The following UTP20 variants were observed in gnomAD, a reference collection of about 807,000 sequenced individuals.
UTP20 encodes the protein UTP20 small subunit processome component.
In UTP20, 164 loss-of-function variants were observed where a neutral mutation model predicts 329.5. The ratio of observed to expected loss-of-function variants is 0.50; its 90% CI spans 0.44 to 0.57. The LOEUF is 0.57. Ranked by LOEUF, UTP20 falls within the 20% of genes least tolerant of loss-of-function variation. The pLI is 0.00. For synonymous variants in UTP20, 1,151 were observed against 1,159.3 expected (o/e 0.99, Z 0.14); for missense variants, 3,055 against 3,284.2 (o/e 0.93, Z 1.71).
At chr12:101,345,853 C>A (rs1869305701) in intron 37 of UTP20, among the ~76,000 whole-genome samples, 159 bp downstream of exon 37, 1 of 152,198 alleles carries the variant, frequency 6.6e-6, no homozygotes, top group Non-Finnish European at 1.5e-5. Flanking sequence ...TTAAGATGAT[C>A]ATTTCCTGGA....
chr12:101,329,171 A>G, intron 26 of UTP20, 70 bp from the exon 27 acceptor site: 1 of 1,337,706 alleles, frequency 7.5e-7, no homozygotes, highest in Non-Finnish European at 1.0e-6. Flanking sequence ...TGGAAATAAA[A>G]CTACAATTAT....
chr12:101,379,219 C>T, intron 56 of UTP20, 152 bp from the exon 57 acceptor site: 1 of 597,738 alleles, frequency 1.7e-6, no homozygotes, highest in Non-Finnish European at 2.8e-6. Context: ...TCTTTTCATC[C>T]CCTGCCCCCA....
intron 48 of UTP20, among the ~76,000 whole-genome samples, chr12:101,369,317 A>G (rs777076490): frequency 6.6e-6 from 1 of 152,180 alleles, no homozygotes; most frequent in African/African-American, 2.4e-5. Flanking sequence ...ATAAACCCCT[A>G]TAAGTAGGTT....
In UTP20 at chr12:101,358,055, G is replaced by A. The variant is rs1330954128; in HGVS notation, c.5691+973G>A. Among the ~76,000 whole-genome samples, 5 of 152,116 alleles carry A rather than the reference G, an allele frequency of 3.3e-5. No individual in the cohort carries two copies. In the East Asian group the frequency reaches 7.7e-4, roughly 23 times the overall value. ...CAAAGAAAACAATTTTGGTACAGTC[G>A]ACGTGATTAAGACTCCTGGTAGTTA... On this transcript the variant is annotated intron_variant, in intron 43 of 61. Coordinates refer to ENST00000261637, the MANE Select transcript of UTP20 (RefSeq NM_014503.3).
chr12:101,325,212 T>G (rs1024123242), intron 25 of UTP20, among the ~76,000 whole-genome samples: 3 of 152,200 alleles, frequency 2.0e-5, no homozygotes, highest in Non-Finnish European at 4.4e-5. Flanking sequence ...CCATATTTCT[T>G]CCTGTTTACC....
In UTP20 at chr12:101,311,699, T is replaced by C. The variant is rs11110747; in HGVS notation, c.2232-20T>C. On this transcript the variant is annotated intron_variant, in intron 19 of 61. Coordinates refer to ENST00000261637, the MANE Select transcript of UTP20 (RefSeq NM_014503.3). ...TGGCCATACCACACTTTTTATTTTG[T>C]GATTTTTTTTTTCCCTTAGTTCTCA... is the stretch of plus-strand genomic sequence containing the variant. 0.16 allele frequency: 253,034 copies of C among 1,591,932 alleles called. 21,802 individuals carry two copies. The highest frequency in any genetic ancestry group is 0.21 in the Middle Eastern group (1,277 of 5,948).
At chr12:101,376,914 C>T (rs1206076736) in intron 56 of UTP20, among the ~76,000 whole-genome samples, 3 of 152,116 alleles carry the variant, frequency 2.0e-5, no homozygotes, top group Non-Finnish European at 4.4e-5. Context: ...TCCCAAAGTG[C>T]TGGGATTACA....
In UTP20 at chr12:101,317,479, A is replaced by G. The variant is rs528223192; in HGVS notation, c.2554A>G (p.Asn852Asp). Residue 852 changes from asparagine to aspartate, a missense_variant and splice_region_variant, in exon 22 of 62, where the codon AAT (asparagine) becomes GAT (aspartate). Around this residue, in one of 3 missense-constraint regions of UTP20, gnomAD observed 2,445 missense variants for 2,575.5 expected, o/e 0.95. Coordinates refer to ENST00000261637, the MANE Select transcript of UTP20 (RefSeq NM_014503.3). ...LSPLFLRFIN[N>D]EYYPADLQVA... The stretch of plus-strand genomic sequence containing the variant: ...CCTGTGACTTTCTTTCCACGGTAGC[A>G]ATGAGTATTACCCAGCAGATCTGCA... 7 of 1,613,654 alleles carry G rather than the reference A, an allele frequency of 4.3e-6. No homozygotes were observed. In the African/African-American group the frequency reaches 9.3e-5, roughly 22 times the overall value.
At chr12:101,306,591 T>C (rs1872646234) in intron 16 of UTP20, 108 bp from the exon 17 acceptor site, 1 of 1,027,860 alleles carries the variant, frequency 9.7e-7, no homozygotes, top group Admixed American at 2.6e-5. Flanking sequence ...TCTGGTCAAA[T>C]GGTATTTTTT....
chr12:101,308,205 G>T lies in UTP20; in HGVS notation c.2016G>T (p.Arg672=). ...TTCAGGATGATGGGCTCTCAGAGCGGCAGTCTGTCTTTGCTATATTACGCC... is the reference window on the plus strand; with the variant it reads ...TTCAGGATGATGGGCTCTCAGAGCGTCAGTCTGTCTTTGCTATATTACGCC... ...ESMEDDGLSE[R]QSVFAILRQA... is the part of the protein sequence containing the mutation. Residue 672 remains arginine, a synonymous_variant, in exon 18 of 62, where the codon CGG becomes CGT. Transcript: ENST00000261637. 1.2e-6 allele frequency: 2 copies of T among 1,610,016 alleles called. No homozygotes were observed. Among genetic ancestry groups the T allele is most frequent in the Non-Finnish European group, 1.7e-6 (2 of 1,178,154 alleles).
chr12:101,372,540 G>C (rs1265982229), intron 51 of UTP20, among the ~76,000 whole-genome samples: 1 of 152,188 alleles, frequency 6.6e-6, no homozygotes, highest in African/African-American at 2.4e-5. Context: ...TACCAGATTG[G>C]ACCACAGTCC....
chr12:101,301,793 G>A (rs1429242297), intron 14 of UTP20, among the ~76,000 whole-genome samples: 6 of 152,104 alleles, frequency 3.9e-5, no homozygotes, highest in Admixed American at 3.9e-4. Flanking sequence ...TAATTTCTTA[G>A]CTATTGATAA....
At chr12:101,304,755 A>G (rs1872608989) in intron 15 of UTP20, among the ~76,000 whole-genome samples, 1 of 152,216 alleles carries the variant, frequency 6.6e-6, no homozygotes, top group Non-Finnish European at 1.5e-5. Context: ...CCAAAATGTC[A>G]GTAGTGCTAC....
intron 51 of UTP20, among the ~76,000 whole-genome samples, chr12:101,372,121 C>G (rs1172724053): frequency 6.6e-6 from 1 of 152,198 alleles, no homozygotes; most frequent in Non-Finnish European, 1.5e-5. Flanking sequence ...GTGCCTAGCA[C>G]TTTAAATGCA....
intron 60 of UTP20, 137 bp from the exon 61 acceptor site, chr12:101,385,446 A>ATTTTTTTTTTT: frequency 1.0e-6 from 1 of 996,144 alleles, no homozygotes; most frequent in Non-Finnish European, 1.5e-6. Flanking sequence ...AAGAGTTGAA[A>ATTTTTTTTTTT]TTTTGTTTTG....
chr12:101,330,733 T>A (rs76636200), intron 27 of UTP20, among the ~76,000 whole-genome samples: 4,119 of 152,272 alleles, frequency 0.027, 165 homozygotes, highest in African/African-American at 0.094. Flanking sequence ...GCCTTCACAT[T>A]TTTGGTTAAC....
chr12:101,365,686 G>A, intron 46 of UTP20, 61 bp downstream of exon 46: 2 of 1,375,158 alleles, frequency 1.5e-6, no homozygotes, highest in Admixed American at 2.9e-5. Context: ...CCATTCTGTG[G>A]GTTGTTTTAA....
At chr12:101,358,794 A>T (rs1869811070) in intron 43 of UTP20, among the ~76,000 whole-genome samples, 1 of 152,278 alleles carries the variant, frequency 6.6e-6, no homozygotes, top group South Asian at 2.1e-4. Flanking sequence ...TGAGGGAGAC[A>T]TATCTCACCC....
chr12:101,338,394 C>G (rs1869007660), intron 30 of UTP20, 117 bp downstream of exon 30: 4 of 1,011,982 alleles, frequency 4.0e-6, no homozygotes, highest in Non-Finnish European at 5.9e-6. Context: ...TCAGAAGTTT[C>G]TTTTCCCTGG....
Sources: gnomAD v4.1 joint callset for allele counts (sites outside exome capture counted in the v4.1 genomes callset) on GRCh38, gnomAD v4.1.1 for gene constraint, gnomAD v4.1.1 regional missense constraint, MANE v1.5 for transcripts, NCBI Gene and HGNC (gene_info 2026-07-23, HGNC 2026-07-21) for gene names.